GPHN: variants seen among roughly 807,000 people sequenced by gnomAD.
GPHN encodes the protein gephyrin.
A neutral mutation model predicts 95.5 loss-of-function variants in GPHN; 17 were observed. That is an observed-to-expected ratio of 0.18 (90% CI 0.12 to 0.27). The LOEUF (loss-of-function observed/expected upper bound fraction) is 0.27. Among genes scored for constraint, GPHN ranks in the 10% least tolerant of loss-of-function variants. GPHN has a pLI of 1.00. For synonymous variants in GPHN, 320 were observed against 322.5 expected (o/e 0.99, Z 0.08); for missense variants, 660 against 978.1 (o/e 0.67, Z 4.34).
At chr14:66,653,732 A>G (rs1367036968) in intron 1 of GPHN, among the ~76,000 whole-genome samples, 2 of 152,206 alleles carry the variant, frequency 1.3e-5, no homozygotes, top group African/African-American at 4.8e-5. Context: ...ATAATTATCT[A>G]GATATTTATC....
chr14:67,111,914 T>C lies in GPHN; in HGVS notation c.1467T>C (p.Asp489=). The C allele has an allele frequency of 6.2e-7, 1 of 1,611,390 alleles. No homozygotes were observed. The highest frequency in any genetic ancestry group is 2.2e-5 in the East Asian group (1 of 44,866). ...RILVQARPGQ[D]IRPIGHDIKR... The stretch of plus-strand genomic sequence containing the variant: ...TGGTGCAAGCTCGGCCAGGCCAAGA[T>C]ATCAGGTAACTTCAAAACACATAGA... Residue 489 remains aspartate, a synonymous_variant, in exon 15 of 23, where the codon GAT becomes GAC. Transcript: ENST00000478722.
chr14:66,980,960 A>C (rs1204924991), intron 9 of GPHN, among the ~76,000 whole-genome samples: 1 of 152,172 alleles, frequency 6.6e-6, no homozygotes, highest in Non-Finnish European at 1.5e-5. Flanking sequence ...GAGGCAGGAG[A>C]ATCACTTGAA....
At chr14:67,327,400 T>C in the GPHN span, among the ~76,000 whole-genome samples, 48 of 152,100 alleles carry the variant, frequency 3.2e-4, no homozygotes, top group African/African-American at 1.2e-3. Flanking sequence ...ACACCTGTAA[T>C]CCCAGCATTT....
intron 20 of GPHN, among the ~76,000 whole-genome samples, chr14:67,168,201 C>A (rs1285191845): frequency 1.3e-5 from 2 of 152,230 alleles, no homozygotes; most frequent in African/African-American, 4.8e-5. Flanking sequence ...AACCTTTTCA[C>A]TGTGTCTTCA....
the GPHN span, among the ~76,000 whole-genome samples, chr14:67,487,658 C>T: frequency 1.3e-5 from 2 of 152,164 alleles, no homozygotes; most frequent in Admixed American, 6.5e-5. Context: ...TTTCTACGTA[C>T]TATTCTACCT....
intron 9 of GPHN, among the ~76,000 whole-genome samples, chr14:67,008,842 C>A (rs1350711118): frequency 1.3e-5 from 2 of 152,120 alleles, no homozygotes; most frequent in Non-Finnish European, 2.9e-5. Flanking sequence ...CTACTGTACC[C>A]AGCCCTTTTT....
intron 1 of GPHN, among the ~76,000 whole-genome samples, chr14:66,649,334 T>C (rs2064924128): frequency 6.6e-6 from 1 of 151,288 alleles, no homozygotes; most frequent in Non-Finnish European, 1.5e-5. Context: ...ACTCCATCTC[T>C]TAAAAAAAAA....
chr14:67,558,462 A>G, the GPHN span, among the ~76,000 whole-genome samples: 1 of 152,190 alleles, frequency 6.6e-6, no homozygotes, highest in East Asian at 1.9e-4. Flanking sequence ...ATTTTGACAC[A>G]TGGAATCTCT....
intron 2 of GPHN, among the ~76,000 whole-genome samples, chr14:66,765,332 A>T (rs2058924285): frequency 6.6e-6 from 1 of 152,232 alleles, no homozygotes; most frequent in Admixed American, 6.5e-5. Context: ...CCAAAGGAAT[A>T]TAAATTCTTC....
At chr14:66,637,806 T>C (rs1020311628) in intron 1 of GPHN, among the ~76,000 whole-genome samples, 1 of 152,138 alleles carries the variant, frequency 6.6e-6, no homozygotes, top group Admixed American at 6.5e-5. Flanking sequence ...TTAATTTTGT[T>C]TGTTGCTCTC....
chr14:67,247,240 TTTA>T, the GPHN span, among the ~76,000 whole-genome samples: 5 of 152,352 alleles, frequency 3.3e-5, no homozygotes, highest in African/African-American at 1.2e-4. Context: ...TTGCAAATAC[TTTA>T]TTAAGTCTAT....
At chr14:67,442,479 A>C in the GPHN span, among the ~76,000 whole-genome samples, 1 of 152,144 alleles carries the variant, frequency 6.6e-6, no homozygotes, top group Non-Finnish European at 1.5e-5. Flanking sequence ...AGTGAACGAG[A>C]AGCAGGCCTA....
At chr14:67,013,649 C>G (rs187470841) in intron 9 of GPHN, among the ~76,000 whole-genome samples, 8 of 152,040 alleles carry the variant, frequency 5.3e-5, no homozygotes, top group Non-Finnish European at 1.5e-5. Context: ...TATATTTGTA[C>G]ATCTTTCATG....
the GPHN span, chr14:67,611,287 G>A: frequency 6.8e-6 from 1 of 147,888 alleles, no homozygotes; most frequent in African/African-American, 2.6e-5. Flanking sequence ...TTGAGATGGA[G>A]TCTCACTCTG....
chr14:67,407,796 C>T, the GPHN span, among the ~76,000 whole-genome samples: 1 of 152,062 alleles, frequency 6.6e-6, no homozygotes, highest in East Asian at 1.9e-4. Flanking sequence ...TTGCCCAAGG[C>T]TCTATAACCC....
At chr14:66,750,507 A>G (rs1325138778) in intron 2 of GPHN, among the ~76,000 whole-genome samples, 1 of 151,990 alleles carries the variant, frequency 6.6e-6, no homozygotes, top group East Asian at 1.9e-4. Flanking sequence ...AGGAAAATAC[A>G]TAAATACATT....
chr14:67,710,924 T>C, the GPHN span, among the ~76,000 whole-genome samples: 1 of 152,216 alleles, frequency 6.6e-6, no homozygotes, highest in African/African-American at 2.4e-5. Flanking sequence ...AAAACTGTGA[T>C]AGTCATCATT....
the GPHN span, among the ~76,000 whole-genome samples, chr14:67,459,124 A>G: frequency 1.2e-4 from 18 of 152,076 alleles, 1 homozygote; most frequent in Admixed American, 9.2e-4. Context: ...TCCTGACCCC[A>G]TGATTCGCCC....
rs185589201 is a variant in GPHN at position 66,971,755 on chromosome 14, C to A, written c.963+6430C>A. On this transcript the variant is annotated intron_variant, in intron 9 of 22. Coordinates refer to ENST00000478722, the MANE Select transcript of GPHN (RefSeq NM_020806.5). ...AAATCCATTGGTCTGTCTTGCACTT[C>A]AAATGGATCTTTTACCCAGGCATGA... 3.4e-3 allele frequency among the ~76,000 whole-genome samples: 524 copies of A among 152,264 alleles called. 2 individuals carry two copies. The highest frequency in any genetic ancestry group is 0.012 in the African/African-American group (502 of 41,528).
Sources: allele counts gnomAD v4.1 joint callset (sites outside exome capture counted in the v4.1 genomes callset), GRCh38; gene constraint gnomAD v4.1.1; transcripts MANE v1.5; gene names NCBI Gene and HGNC (gene_info 2026-07-23, HGNC 2026-07-21).